OSBPL6: variants seen among roughly 807,000 people sequenced by gnomAD.
The protein encoded by OSBPL6 is oxysterol-binding protein-related protein 6.
Under a neutral mutation model 125.8 loss-of-function variants are expected in OSBPL6, and 49 were observed. That is an observed-to-expected ratio of 0.39 (90% CI 0.31 to 0.49). The LOEUF is 0.49. Ranked by LOEUF, OSBPL6 falls within the 20% of genes least tolerant of loss-of-function variation. OSBPL6 has a pLI of 0.88. For missense variants in OSBPL6, 986 were observed against 1,135.4 expected (o/e 0.87, Z 1.89); for synonymous variants, 394 against 391.8 (o/e 1.01, Z -0.07).
intron 2 of OSBPL6, among the ~76,000 whole-genome samples, chr2:178,301,330 G>A (rs1009537867): frequency 1.9e-4 from 29 of 151,976 alleles, no homozygotes; most frequent in African/African-American, 6.0e-4. Flanking sequence ...CAACCTAAAC[G>A]TCCCAAAAGA....
At chr2:178,222,389 A>C (rs2090376076) in intron 1 of OSBPL6, among the ~76,000 whole-genome samples, 1 of 152,234 alleles carries the variant, frequency 6.6e-6, no homozygotes, top group African/African-American at 2.4e-5. Flanking sequence ...TCACACCTGT[A>C]ATCCCAGCAC....
intron 1 of OSBPL6, among the ~76,000 whole-genome samples, chr2:178,211,986 T>A (rs895739216): frequency 6.6e-6 from 1 of 152,146 alleles, no homozygotes; most frequent in Admixed American, 6.5e-5. Flanking sequence ...TTGGCATAGG[T>A]TCCATTGGGA....
Position 178,229,120 on chromosome 2 carries a change from G to A in OSBPL6, c.-351+34446G>A, listed in dbSNP as rs141986354. ...TGTAAAGGGCAAAATACAAGGGGTG[G>A]CCCCGCCTTATAACAACCCACTCTA... On this transcript the variant is annotated intron_variant, in intron 1 of 24. Coordinates refer to ENST00000190611, the MANE Select transcript of OSBPL6 (RefSeq NM_032523.4). Among the ~76,000 whole-genome samples, 895 of 152,210 alleles carry A rather than the reference G, an allele frequency of 5.9e-3. 8 individuals are homozygous for A. The highest frequency in any genetic ancestry group is 0.021 in the African/African-American group (856 of 41,518).
chr2:178,384,051 G>T lies in OSBPL6; in HGVS notation c.1888G>T (p.Ala630Ser), dbSNP rs199651479. The T allele has an allele frequency of 2.5e-6, 4 of 1,613,652 alleles. No individual in the cohort carries two copies. The highest frequency in any genetic ancestry group is 2.7e-5 in the African/African-American group (2 of 75,028). The change falls in exon 18 of 25, where the codon GCA (alanine) becomes TCA (serine). Residue 630 changes from alanine (A) to serine (S), a missense_variant. Transcript: ENST00000190611. ...AATGTTTTAACAGGTTCTCGTTGCC[G>T]CATTTGCAGTTTCAGGATACTGCTC... is the stretch of plus-strand genomic sequence containing the variant. ...DPYERMVLVA[A>S]FAVSGYCSTY... is the part of the protein sequence containing the mutation.
At chr2:178,265,274 CA>C (rs1320956278) in intron 1 of OSBPL6, among the ~76,000 whole-genome samples, 1 of 129,510 alleles carries the variant, frequency 7.7e-6, no homozygotes, top group East Asian at 2.6e-4. Flanking sequence ...TACAGTGGTA[CA>C]CTCATGGCTC....
In OSBPL6 at chr2:178,209,549, C is replaced by T. The variant is rs535537943; in HGVS notation, c.-351+14875C>T. Among the ~76,000 whole-genome samples the T allele has an allele frequency of 2.9e-4, 44 of 151,044 alleles. No homozygotes were observed. In the Middle Eastern group the frequency reaches 0.01, roughly 35 times the overall value. ...TTTTCTGCTCCCTGCACAGGGAAAC[C>T]TCGGTGTCCTCCAAGTGGCTTTCTT... is the stretch of plus-strand genomic sequence containing the variant. On this transcript the variant is annotated intron_variant, in intron 1 of 24. Coordinates refer to ENST00000190611, the MANE Select transcript of OSBPL6 (RefSeq NM_032523.4).
intron 1 of OSBPL6, among the ~76,000 whole-genome samples, chr2:178,227,846 G>C (rs334038): frequency 0.02 from 2,973 of 152,254 alleles, 106 homozygotes; most frequent in African/African-American, 0.067. Flanking sequence ...CCTCAGTAGG[G>C]GGAGGCAGGA....
intron 1 of OSBPL6, among the ~76,000 whole-genome samples, chr2:178,219,634 T>G (rs1235218249): frequency 6.6e-6 from 1 of 152,218 alleles, no homozygotes; most frequent in Admixed American, 6.5e-5. Flanking sequence ...TTATAATCAG[T>G]GCATGTTGCT....
intron 1 of OSBPL6, among the ~76,000 whole-genome samples, chr2:178,283,982 G>A (rs1030996452): frequency 2.6e-5 from 4 of 152,154 alleles, no homozygotes; most frequent in Admixed American, 6.6e-5. Flanking sequence ...CTTCACCACC[G>A]GGGATCATAT....
intron 21 of OSBPL6, among the ~76,000 whole-genome samples, chr2:178,390,446 A>C (rs991694293): frequency 3.9e-5 from 6 of 152,190 alleles, no homozygotes; most frequent in African/African-American, 1.4e-4. Context: ...TTCAGACCTA[A>C]AGGTGCACAC....
chr2:178,298,447 GA>G (rs992633073), intron 2 of OSBPL6, among the ~76,000 whole-genome samples: 1 of 152,130 alleles, frequency 6.6e-6, no homozygotes, highest in African/African-American at 2.4e-5. Context: ...GTTTGAGATG[GA>G]GTTTTGCTCT....
chr2:178,346,913 A>G (rs1198511130), intron 11 of OSBPL6, among the ~76,000 whole-genome samples: 3 of 152,212 alleles, frequency 2.0e-5, no homozygotes, highest in African/African-American at 7.2e-5. Flanking sequence ...AGTCAGAAGT[A>G]TGTGAAAATT....
At chr2:178,280,229 T>C (rs940277977) in intron 1 of OSBPL6, among the ~76,000 whole-genome samples, 1 of 152,002 alleles carries the variant, frequency 6.6e-6, no homozygotes, top group African/African-American at 2.4e-5. Context: ...TTAAATAAAA[T>C]GAGGTTGAAT....
At chr2:178,387,855 T>C (rs1695078761) in intron 20 of OSBPL6, among the ~76,000 whole-genome samples, 1 of 151,972 alleles carries the variant, frequency 6.6e-6, no homozygotes, top group African/African-American at 2.4e-5. Context: ...ATACAAAAAA[T>C]TAGCTGGGTG....
At chr2:178,327,742 T>C (rs1420986431) in intron 4 of OSBPL6, among the ~76,000 whole-genome samples, 1 of 152,142 alleles carries the variant, frequency 6.6e-6, no homozygotes, top group Non-Finnish European at 1.5e-5. Context: ...ATGTGCACTT[T>C]GGAATGCAAG....
intron 13 of OSBPL6, among the ~76,000 whole-genome samples, chr2:178,364,275 C>A (rs1331949892): frequency 6.6e-6 from 1 of 152,158 alleles, no homozygotes; most frequent in Non-Finnish European, 1.5e-5. Context: ...TATCAGTTAA[C>A]AATTTTAACT....
chr2:178,344,151 C>A, intron 11 of OSBPL6: 1 of 693,340 alleles, frequency 1.4e-6, no homozygotes, highest in Non-Finnish European at 2.5e-6. Flanking sequence ...GAGCGCTTTT[C>A]GATGCTGATT....
chr2:178,392,645 C>T (rs1227374147), intron 23 of OSBPL6, 107 bp downstream of exon 23: 81 of 1,411,964 alleles, frequency 5.7e-5, no homozygotes, highest in Non-Finnish European at 4.2e-5. Flanking sequence ...CACTTGAGGT[C>T]AGGAATTCAA....
At chr2:178,234,384 CG>C (rs901122304) in intron 1 of OSBPL6, among the ~76,000 whole-genome samples, 2 of 151,950 alleles carry the variant, frequency 1.3e-5, no homozygotes, top group Non-Finnish European at 2.9e-5. Context: ...TATAACCTAC[CG>C]GCTTGTTACC....
Sources: allele counts gnomAD v4.1 joint callset (sites outside exome capture counted in the v4.1 genomes callset), GRCh38; gene constraint gnomAD v4.1.1; transcripts MANE v1.5; gene names NCBI Gene and HGNC (gene_info 2026-07-23, HGNC 2026-07-21).